Variants in CDKAL1 observed in about 807,000 individuals in gnomAD.
The protein encoded by CDKAL1 is threonylcarbamoyladenosine tRNA methylthiotransferase.
Under a neutral mutation model 68.2 loss-of-function variants are expected in CDKAL1, and 32 were observed. That is an observed-to-expected ratio of 0.47 (90% CI 0.35 to 0.63). The LOEUF (loss-of-function observed/expected upper bound fraction) is 0.63, where lower values mean the gene tolerates loss of function less well. Ranked by LOEUF, CDKAL1 falls within the 30% of genes least tolerant of loss-of-function variation. CDKAL1 has a pLI of 0.00. For missense variants in CDKAL1, 606 were observed against 696.7 expected (o/e 0.87, Z 1.47); for synonymous variants, 234 against 244.3 (o/e 0.96, Z 0.39).
chr6:21,013,704 A>G (rs1406517240), intron 11 of CDKAL1, among the ~76,000 whole-genome samples: 1 of 152,240 alleles, frequency 6.6e-6, no homozygotes, highest in Non-Finnish European at 1.5e-5. Context: ...TTTTGCTAAC[A>G]TAACATTAAT....
intron 8 of CDKAL1, among the ~76,000 whole-genome samples, chr6:20,807,675 G>A (rs1485634374): frequency 6.6e-6 from 1 of 152,128 alleles, no homozygotes; most frequent in African/African-American, 2.4e-5. Flanking sequence ...GCACTTATAT[G>A]TAAAACATAT....
intron 5 of CDKAL1, among the ~76,000 whole-genome samples, chr6:20,701,994 G>T (rs1236368616): frequency 6.6e-6 from 1 of 152,128 alleles, no homozygotes; most frequent in Non-Finnish European, 1.5e-5. Flanking sequence ...ATCCTTTCTA[G>T]CATGGACAGG....
intron 4 of CDKAL1, among the ~76,000 whole-genome samples, chr6:20,562,741 TAAAAAAAA>T (rs79790891): frequency 2.9e-4 from 42 of 142,614 alleles, no homozygotes; most frequent in Non-Finnish European, 4.9e-4. Context: ...GACTCCATCT[TAAAAAAAA>T]AAAAAAATTC....
At chr6:20,919,175 C>G (rs1003815828) in intron 9 of CDKAL1, among the ~76,000 whole-genome samples, 10 of 152,110 alleles carry the variant, frequency 6.6e-5, no homozygotes, top group African/African-American at 2.2e-4. Flanking sequence ...TAGCTCCTAT[C>G]CATTTTGAAA....
At chr6:20,617,724 A>G (rs1766985082) in intron 4 of CDKAL1, among the ~76,000 whole-genome samples, 4 of 152,112 alleles carry the variant, frequency 2.6e-5, no homozygotes, top group Admixed American at 1.3e-4. Flanking sequence ...AGATTCATCT[A>G]TGTCCCTGCA....
At chr6:20,656,906 C>T (rs1769052126) in intron 5 of CDKAL1, among the ~76,000 whole-genome samples, 1 of 152,028 alleles carries the variant, frequency 6.6e-6, no homozygotes, top group Non-Finnish European at 1.5e-5. Flanking sequence ...TTTTAATGGC[C>T]TTGAAGACTT....
intron 13 of CDKAL1, among the ~76,000 whole-genome samples, chr6:21,144,937 T>C (rs550827230): frequency 3.9e-5 from 6 of 152,338 alleles, no homozygotes; most frequent in African/African-American, 1.4e-4. Flanking sequence ...AGTATTCTTA[T>C]TTGCTTTAAA....
intron 13 of CDKAL1, among the ~76,000 whole-genome samples, chr6:21,181,011 C>T (rs561325935): frequency 8.5e-5 from 13 of 152,272 alleles, no homozygotes; most frequent in Admixed American, 7.8e-4. Context: ...GCCCTTACTG[C>T]TGGCAGAGAG....
intron 5 of CDKAL1, among the ~76,000 whole-genome samples, chr6:20,657,996 C>G (rs1769106795): frequency 1.4e-5 from 2 of 138,548 alleles, no homozygotes. Context: ...ACAATATGGC[C>G]TTTAACTTGG....
intron 11 of CDKAL1, among the ~76,000 whole-genome samples, chr6:21,042,799 A>G (rs1333399940): frequency 6.6e-6 from 1 of 151,996 alleles, no homozygotes; most frequent in African/African-American, 2.4e-5. Context: ...CTTTTCCCCA[A>G]ACTTCTATAT....
chr6:20,557,641 A>T (rs751613920), intron 4 of CDKAL1, among the ~76,000 whole-genome samples: 2 of 152,034 alleles, frequency 1.3e-5, no homozygotes, highest in African/African-American at 2.4e-5. Flanking sequence ...TACATCCTTA[A>T]CATGGCTGGG....
At chr6:20,586,135 T>A (rs1429552830) in intron 4 of CDKAL1, among the ~76,000 whole-genome samples, 2 of 152,308 alleles carry the variant, frequency 1.3e-5, no homozygotes, top group Non-Finnish European at 1.5e-5. Context: ...AATCCTATCA[T>A]TTTTATCACC....
intron 5 of CDKAL1, among the ~76,000 whole-genome samples, chr6:20,688,061 T>C (rs1770707512): frequency 6.6e-6 from 1 of 152,164 alleles, no homozygotes; most frequent in Non-Finnish European, 1.5e-5. Context: ...CTCGCTTGTA[T>C]GGTTTCTAGC....
chr6:20,658,356 T>C (rs17823996), intron 5 of CDKAL1, among the ~76,000 whole-genome samples: 5,745 of 152,294 alleles, frequency 0.038, 162 homozygotes, highest in Non-Finnish European at 0.059. Flanking sequence ...TAAATGGTAA[T>C]GTCGAAGGGA....
chr6:20,756,615 G>A (rs1774183095), intron 6 of CDKAL1: 1 of 152,102 alleles, frequency 6.6e-6, no homozygotes, highest in African/African-American at 2.4e-5. Context: ...AGGTTTGTTG[G>A]GGGCTGAAAA....
intron 9 of CDKAL1, among the ~76,000 whole-genome samples, chr6:20,912,662 T>C (rs1762517950): frequency 6.6e-6 from 1 of 152,208 alleles, no homozygotes; most frequent in Non-Finnish European, 1.5e-5. Flanking sequence ...TTTAACTTTT[T>C]CAGTGTTAAT....
At chr6:21,063,422 C>A (rs1771250872) in intron 11 of CDKAL1, among the ~76,000 whole-genome samples, 2 of 152,152 alleles carry the variant, frequency 1.3e-5, no homozygotes, top group African/African-American at 4.8e-5. Flanking sequence ...AAGATGCCAA[C>A]ATTTGGGCCT....
intron 13 of CDKAL1, among the ~76,000 whole-genome samples, chr6:21,149,204 A>G (rs919779660): frequency 2.0e-5 from 3 of 152,050 alleles, no homozygotes; most frequent in Non-Finnish European, 4.4e-5. Flanking sequence ...CAGTGGCACA[A>G]TCTCAGCTCA....
intron 13 of CDKAL1, among the ~76,000 whole-genome samples, chr6:21,190,524 C>T (rs981577465): frequency 6.6e-6 from 1 of 152,120 alleles, no homozygotes; most frequent in Non-Finnish European, 1.5e-5. Context: ...TCTGCCACCG[C>T]ACCTGGCTAA....
Sources: allele counts gnomAD v4.1 joint callset (sites outside exome capture counted in the v4.1 genomes callset), GRCh38; gene constraint gnomAD v4.1.1; transcripts MANE v1.5; gene names NCBI Gene and HGNC (gene_info 2026-07-23, HGNC 2026-07-21).